PDE3B: variants seen among roughly 807,000 people sequenced by gnomAD.
PDE3B encodes cGMP-inhibited 3',5'-cyclic phosphodiesterase 3B.
In PDE3B, 66 loss-of-function variants were observed where a neutral mutation model predicts 116.8. That is an observed-to-expected ratio of 0.56 (90% CI 0.46 to 0.69). The LOEUF (loss-of-function observed/expected upper bound fraction) is 0.69. Among genes scored for constraint, PDE3B ranks in the 30% least tolerant of loss-of-function variants. The probability of loss-of-function intolerance (pLI) is 0.00; values close to 1 mark genes in which losing one functional copy is unlikely to be tolerated. For missense variants in PDE3B, 1,384 were observed against 1,368.1 expected, an observed-to-expected ratio of 1.01 and a Z score of -0.18; for synonymous variants, 595 against 533.6, an observed-to-expected ratio of 1.12 and a Z score of -1.59.
chr11:14,645,351 A>G (rs1193606764), intron 1 of PDE3B, among the ~76,000 whole-genome samples: 1 of 152,198 alleles, frequency 6.6e-6, no homozygotes, highest in Non-Finnish European at 1.5e-5. Flanking sequence ...TCGCAGAAGA[A>G]TGAGGTGAAT....
chr11:14,898,703 CT>C, the PDE3B span, among the ~76,000 whole-genome samples: 1 of 152,118 alleles, frequency 6.6e-6, no homozygotes, highest in Non-Finnish European at 1.5e-5. Flanking sequence ...TATGCTCTTT[CT>C]TTTTTTCTCT....
chr11:14,648,070 A>G (rs531669025), intron 1 of PDE3B, among the ~76,000 whole-genome samples: 1 of 151,978 alleles, frequency 6.6e-6, no homozygotes, highest in African/African-American at 2.4e-5. Flanking sequence ...ACTAATAGGA[A>G]GTTTAAAAAA....
At chr11:14,779,114 A>G (rs4281505) in intron 2 of PDE3B, among the ~76,000 whole-genome samples, 77,124 of 151,834 alleles carry the variant, frequency 0.51, 19,582 homozygotes, top group Admixed American at 0.55. Flanking sequence ...GAGAAGAGAA[A>G]TTTAGAGAAA....
At chr11:14,873,296 C>A (rs574316028), downstream of PDE3B, among the ~76,000 whole-genome samples, 1 of 152,122 alleles carries the variant, frequency 6.6e-6, no homozygotes, top group African/African-American at 2.4e-5. Context: ...ATGAAAGTTA[C>A]CTGATACATG....
intron 1 of PDE3B, among the ~76,000 whole-genome samples, chr11:14,668,806 C>T (rs1368615029): frequency 6.6e-6 from 1 of 152,092 alleles, no homozygotes; most frequent in East Asian, 1.9e-4. Flanking sequence ...CAAAAGATAA[C>T]ACAAAAGTAA....
At chr11:14,827,505 A>C (rs1467658917) in intron 7 of PDE3B, among the ~76,000 whole-genome samples, 1 of 152,196 alleles carries the variant, frequency 6.6e-6, no homozygotes, top group Non-Finnish European at 1.5e-5. Context: ...AATAACTAGC[A>C]TTCCTATACA....
intron 1 of PDE3B, among the ~76,000 whole-genome samples, chr11:14,695,035 T>C (rs1346423158): frequency 1.3e-5 from 2 of 152,166 alleles, no homozygotes; most frequent in East Asian, 3.8e-4. Flanking sequence ...AGAAGAAATC[T>C]TTGTTCACCC....
rs373667252 is a variant in PDE3B, at chr11:14,643,849, G to C, written c.-227G>C. On this transcript the variant is annotated 5_prime_UTR_variant, in exon 1 of 16. Coordinates refer to ENST00000282096, the MANE Select transcript of PDE3B (RefSeq NM_000922.4). ...GGAAAAGGAGGCGGCAGCTAAACTG[G>C]TCCTGGAGAGAAGCCCCTTCCGCCC... 8.6e-5 allele frequency: 47 copies of C among 544,062 alleles called. No homozygotes were observed. Among genetic ancestry groups the C allele is most frequent in the Middle Eastern group, 9.9e-4 (2 of 2,030 alleles). The allele number at this position is 544,062 out of a possible 1,614,324, so 33.7% of individuals were successfully genotyped here.
rs1318440007 is a variant in PDE3B, at chr11:14,666,752, T to A, written c.978+21699T>A. On this transcript the variant is annotated intron_variant, in intron 1 of 15. Coordinates refer to ENST00000282096, the MANE Select transcript of PDE3B (RefSeq NM_000922.4). ...CAATGAGATACCATCTCACACCAGT[T>A]AGAATGACAATCATTAAAAAGTCAG... 2.0e-5 allele frequency among the ~76,000 whole-genome samples: 3 copies of A among 151,998 alleles called. 1 individual carries two copies. Among genetic ancestry groups the A allele is most frequent in the Non-Finnish European group, 4.4e-5 (3 of 67,944 alleles).
chr11:14,789,247 A>G lies in PDE3B; in HGVS notation c.1415+5A>G, dbSNP rs1463665584. Reference sequence around the variant, plus strand: ...CCAAGAATTTGGCATTTCAAGGTAAAATCTGCAGAGCCTTTTAAGAAACTT... The same window carrying G: ...CCAAGAATTTGGCATTTCAAGGTAAGATCTGCAGAGCCTTTTAAGAAACTT... On this transcript the variant is annotated splice_donor_5th_base_variant and intron_variant, in intron 4 of 15. Coordinates refer to ENST00000282096, the MANE Select transcript of PDE3B (RefSeq NM_000922.4). 6.3e-7 allele frequency: 1 copy of G among 1,599,318 alleles called. No individual in the cohort carries two copies. Among genetic ancestry groups the G allele is most frequent in the Admixed American group, 1.7e-5 (1 of 57,320 alleles).
intron 7 of PDE3B, among the ~76,000 whole-genome samples, chr11:14,830,451 C>A (rs973453712): frequency 1.3e-5 from 2 of 151,808 alleles, no homozygotes; most frequent in African/African-American, 4.8e-5. Context: ...TAAAGAATAT[C>A]CACTTAGCAT....
At chr11:14,672,554 A>C (rs1411906171) in intron 1 of PDE3B, among the ~76,000 whole-genome samples, 2 of 152,174 alleles carry the variant, frequency 1.3e-5, no homozygotes, top group African/African-American at 2.4e-5. Flanking sequence ...TGTTAACAAG[A>C]GACAAATATA....
At chr11:14,850,602 C>G (rs1366999056) in intron 12 of PDE3B, among the ~76,000 whole-genome samples, 1 of 151,970 alleles carries the variant, frequency 6.6e-6, no homozygotes, top group African/African-American at 2.4e-5. Flanking sequence ...TCTTTTTTCC[C>G]TTAAGATTTG....
intron 1 of PDE3B, among the ~76,000 whole-genome samples, chr11:14,741,276 TG>T (rs1402530898): frequency 6.6e-6 from 1 of 152,152 alleles, no homozygotes; most frequent in Non-Finnish European, 1.5e-5. Flanking sequence ...ATTATGAATC[TG>T]GGTGCTCGTG....
rs373501111 is a variant in PDE3B at position 14,644,893 on chromosome 11, C to T, written c.818C>T (p.Pro273Leu). Residue 273 changes from proline (P) to leucine (L), a missense_variant, in exon 1 of 16, where the codon CCT becomes CTT. Pro to Leu is a moderately conservative substitution (Grantham distance 98). This residue lies in a region of PDE3B where 956 missense variants were observed against 806.8 expected (regional missense o/e 1.18). Transcript: ENST00000282096. ...CACTTCTTTCAAATCAGGGAAGCGC[C>T]TCTTCATCCTCGACTGTCCAGTGCC... The part of the protein sequence containing the change: ...LDHFFQIREA[P>L]LHPRLSSAAE... The T allele has an allele frequency of 3.7e-5, 60 of 1,613,986 alleles. No individual in the cohort carries two copies. The Middle Eastern group carries it at 8.2e-4, about 22-fold the overall frequency.
At chr11:14,891,787 C>T in the PDE3B span, 1 of 1,402,228 alleles carries the variant, frequency 7.1e-7, no homozygotes, top group Middle Eastern at 2.7e-4. Context: ...GCGGGGCTCC[C>T]CCTGCAAGGG....
At chr11:14,676,421 ATGC>A (rs1355739095) in intron 1 of PDE3B, among the ~76,000 whole-genome samples, 1 of 152,162 alleles carries the variant, frequency 6.6e-6, no homozygotes, top group Non-Finnish European at 1.5e-5. Context: ...TTGTAACACA[ATGC>A]TAAGTATTTG....
intron 7 of PDE3B, among the ~76,000 whole-genome samples, chr11:14,829,527 G>A (rs1387413963): frequency 6.6e-6 from 1 of 152,110 alleles, no homozygotes; most frequent in Non-Finnish European, 1.5e-5. Flanking sequence ...ATACTATGCA[G>A]CTATAAAAAA....
chr11:14,765,165 A>G (rs1040791053), intron 1 of PDE3B, among the ~76,000 whole-genome samples: 2 of 152,072 alleles, frequency 1.3e-5, no homozygotes, highest in Non-Finnish European at 2.9e-5. Context: ...GTAAAATGTC[A>G]TCAAGAAATG....
Sources: gnomAD v4.1 joint callset for allele counts (sites outside exome capture counted in the v4.1 genomes callset) on GRCh38, gnomAD v4.1.1 for gene constraint, gnomAD v4.1.1 regional missense constraint, MANE v1.5 for transcripts, NCBI Gene and HGNC (gene_info 2026-07-23, HGNC 2026-07-21) for gene names.